Variants in DNAI4 observed in about 807,000 individuals in gnomAD.
DNAI4 encodes the protein WD repeat domain 78.
A neutral mutation model predicts 105.8 loss-of-function variants in DNAI4; 85 were observed. The ratio of observed to expected loss-of-function variants is 0.80; its 90% CI spans 0.67 to 0.96. The LOEUF (loss-of-function observed/expected upper bound fraction) is 0.96. Among genes scored for constraint, DNAI4 ranks in the 40% least tolerant of loss-of-function variants. DNAI4 has a pLI of 0.00. For missense variants in DNAI4, 1,014 were observed against 1,005.6 expected, an observed-to-expected ratio of 1.01 and a Z score of -0.11; for synonymous variants, 352 against 331.5, an observed-to-expected ratio of 1.06 and a Z score of -0.67.
intron 4 of DNAI4, among the ~76,000 whole-genome samples, chr1:66,888,364 G>A (rs930885297): frequency 1.3e-5 from 2 of 151,996 alleles, no homozygotes; most frequent in Non-Finnish European, 2.9e-5. Context: ...AATTGTTTAG[G>A]TGTCATTCAT....
chr1:66,869,924 T>C (rs545412251), intron 6 of DNAI4, among the ~76,000 whole-genome samples: 1 of 152,220 alleles, frequency 6.6e-6, no homozygotes, highest in Admixed American at 6.5e-5. Context: ...CACTCCTAAG[T>C]AGGAATGAGT....
At chr1:66,924,518 T>G (rs1196501178) in intron 1 of DNAI4, 144 bp downstream of exon 1, 2 of 1,120,814 alleles carry the variant, frequency 1.8e-6, no homozygotes, top group South Asian at 1.4e-5. Context: ...AAAGGAGACA[T>G]TGTGGCCTAG....
chr1:66,838,266 G>T (rs758132557), intron 9 of DNAI4, among the ~76,000 whole-genome samples: 4 of 152,140 alleles, frequency 2.6e-5, no homozygotes, highest in African/African-American at 7.2e-5. Flanking sequence ...AGAAGGAATC[G>T]CAGGTTAAAT....
intron 15 of DNAI4, among the ~76,000 whole-genome samples, chr1:66,823,977 C>A (rs910518823): frequency 1.3e-5 from 2 of 148,224 alleles, no homozygotes; most frequent in Non-Finnish European, 3.0e-5. Context: ...GACATGAAGT[C>A]CTTGCCCATG....
At chr1:66,854,049 T>G (rs1052869813) in intron 7 of DNAI4, among the ~76,000 whole-genome samples, 18 of 152,132 alleles carry the variant, frequency 1.2e-4, no homozygotes, top group Non-Finnish European at 2.5e-4. Context: ...CATAGAAGAA[T>G]CTACTGTATT....
Position 66,862,230 on chromosome 1 carries a change from T to C in DNAI4, c.1013A>G (p.Gln338Arg), listed in dbSNP as rs748121111. ...TTTACTACTTGACTCAACCACAGAT[T>C]GTTTTACTGATAAAGATACAAGTTC... is the stretch of plus-strand genomic sequence containing the variant. The part of the protein sequence containing the change: ...AMELVSLSVK[Q>R]SVVESSSKAN... The change falls in exon 7 of 17, where the codon CAA becomes CGA. Residue 338 changes from glutamine to arginine, a missense_variant. Coordinates refer to ENST00000371026, the MANE Select transcript of DNAI4 (RefSeq NM_024763.5). The C allele has an allele frequency of 3.7e-6, 6 of 1,611,376 alleles. No homozygotes were observed. The East Asian group carries it at 1.3e-4, about 36-fold the overall frequency.
At chr1:66,876,215 C>T (rs269401) in intron 4 of DNAI4, among the ~76,000 whole-genome samples, 25,375 of 151,898 alleles carry the variant, frequency 0.17, 2,527 homozygotes, top group African/African-American at 0.29. Flanking sequence ...ATTTGAGGTA[C>T]ATGTAGTCCA....
intron 1 of DNAI4, among the ~76,000 whole-genome samples, chr1:66,905,965 C>T (rs1649216610): frequency 1.4e-5 from 2 of 146,874 alleles, no homozygotes; most frequent in African/African-American, 5.1e-5. Context: ...GCTCTGTCAC[C>T]CTGGCTGGAG....
intron 6 of DNAI4, among the ~76,000 whole-genome samples, chr1:66,867,426 G>C (rs1266560842): frequency 2.6e-5 from 4 of 151,518 alleles, no homozygotes; most frequent in Non-Finnish European, 4.4e-5. Flanking sequence ...TTTCTGGATT[G>C]GTCCTCTAAT....
At chr1:66,869,150 T>A (rs1646791288) in intron 6 of DNAI4, among the ~76,000 whole-genome samples, 1 of 151,612 alleles carries the variant, frequency 6.6e-6, no homozygotes, top group Non-Finnish European at 1.5e-5. Flanking sequence ...CTATTGGTTC[T>A]GTTTTTCTGA....
At chr1:66,860,069 GTA>G (rs768993603) in intron 7 of DNAI4, among the ~76,000 whole-genome samples, 18 of 149,320 alleles carry the variant, frequency 1.2e-4, no homozygotes, top group Non-Finnish European at 2.0e-4. Flanking sequence ...TGCACAGAAA[GTA>G]GAGAGATGAA....
chr1:66,896,164 T>C (rs1569824309), intron 2 of DNAI4, among the ~76,000 whole-genome samples: 2 of 152,228 alleles, frequency 1.3e-5, no homozygotes, highest in South Asian at 2.1e-4. Flanking sequence ...TCTGGAATTA[T>C]CTTTGAAGGA....
chr1:66,844,570 G>A (rs1553215170), intron 8 of DNAI4, among the ~76,000 whole-genome samples: 1 of 151,556 alleles, frequency 6.6e-6, no homozygotes, highest in Non-Finnish European at 1.5e-5. Flanking sequence ...CTCAAAAAAT[G>A]AATAAATAAA....
At chr1:66,870,444 A>G (rs1371877082) in intron 6 of DNAI4, among the ~76,000 whole-genome samples, 1 of 143,302 alleles carries the variant, frequency 7.0e-6, no homozygotes, top group Non-Finnish European at 1.5e-5. Context: ...CTGTGCCTCA[A>G]AAAAAAAAAA....
intron 1 of DNAI4, among the ~76,000 whole-genome samples, chr1:66,916,096 A>AAG (rs1650051715): frequency 6.6e-6 from 1 of 151,498 alleles, no homozygotes. Flanking sequence ...AAAAAAAAAA[A>AAG]AAAAAAGAAT....
intron 4 of DNAI4, among the ~76,000 whole-genome samples, chr1:66,879,626 T>A (rs1183968273): frequency 1.3e-5 from 2 of 152,206 alleles, no homozygotes; most frequent in African/African-American, 4.8e-5. Context: ...CCAAACTGGA[T>A]GTACCATTGT....
intron 1 of DNAI4, among the ~76,000 whole-genome samples, chr1:66,912,092 G>C (rs1438409372): frequency 6.6e-6 from 1 of 152,110 alleles, no homozygotes; most frequent in East Asian, 1.9e-4. Flanking sequence ...TGCCCGCCTT[G>C]GTCTCCCAAA....
intron 5 of DNAI4, among the ~76,000 whole-genome samples, chr1:66,872,950 T>C (rs983895406): frequency 2.6e-5 from 4 of 152,066 alleles, no homozygotes; most frequent in Admixed American, 6.6e-5. Context: ...TGACCTCAAG[T>C]GATCCACCCA....
In DNAI4 at chr1:66,836,188, GAAAGAAAGAAAGAAAGAA is replaced by G. The variant is rs1404333300; in HGVS notation, c.1582-429_1582-412del. On this transcript the variant is annotated intron_variant, in intron 10 of 16. Coordinates refer to ENST00000371026, the MANE Select transcript of DNAI4 (RefSeq NM_024763.5). ...AGAAAGAAAGAAAGAAAGAAAGAAAGAAAGAAAGAAAGAAAGAAAGAGAGAGAGAGAGAGAGAGAGAGA... is the reference window on the plus strand; with the variant it reads ...AGAAAGAAAGAAAGAAAGAAAGAAAGAGAGAGAGAGAGAGAGAGAGAGAGA... 5.8e-3 allele frequency among the ~76,000 whole-genome samples: 358 copies of G among 61,476 alleles called. 4 individuals are homozygous for G. The highest frequency in any genetic ancestry group is 9.4e-3 in the Middle Eastern group (1 of 106). 40.3% of individuals were successfully genotyped at this position (61,476 alleles called of 152,430 possible). A position where few individuals can be genotyped will look rare whatever the true frequency, so the allele number is the denominator to read the frequency against.
Sources: allele counts gnomAD v4.1 joint callset (sites outside exome capture counted in the v4.1 genomes callset), GRCh38; gene constraint gnomAD v4.1.1; transcripts MANE v1.5; gene names NCBI Gene and HGNC (gene_info 2026-07-23, HGNC 2026-07-21).